The following SCAMP1 variants were observed in gnomAD, a reference collection of about 807,000 sequenced individuals.
SCAMP1 encodes the protein secretory carrier membrane protein 1.
Under a neutral mutation model 41.8 loss-of-function variants are expected in SCAMP1, and 15 were observed. The ratio of observed to expected loss-of-function variants is 0.36; its 90% CI spans 0.24 to 0.55. SCAMP1 has a LOEUF of 0.55. Among genes scored for constraint, SCAMP1 ranks in the 20% least tolerant of loss-of-function variants. The pLI, the probability that SCAMP1 is intolerant of heterozygous loss-of-function variation, is 0.86. For missense variants in SCAMP1, 341 were observed against 412.6 expected (o/e 0.83, Z 1.50); for synonymous variants, 135 against 136.8 (o/e 0.99, Z 0.09).
chr5:78,442,550 C>T (rs973854740), intron 6 of SCAMP1, among the ~76,000 whole-genome samples: 32 of 152,152 alleles, frequency 2.1e-4, no homozygotes, highest in African/African-American at 4.8e-4. Context: ...TGAGCCACCG[C>T]GCCCGGCTGA....
At chr5:78,425,550 T>A (rs1055867528) in intron 6 of SCAMP1, among the ~76,000 whole-genome samples, 4 of 152,232 alleles carry the variant, frequency 2.6e-5, no homozygotes, top group African/African-American at 9.6e-5. Context: ...GTATACAGGT[T>A]ATTTTATATG....
chr5:78,401,422 A>G (rs1242580984), intron 2 of SCAMP1, among the ~76,000 whole-genome samples: 3 of 152,130 alleles, frequency 2.0e-5, no homozygotes. Flanking sequence ...TCTACCTTAA[A>G]TGATTGGTAG....
intron 2 of SCAMP1, among the ~76,000 whole-genome samples, chr5:78,400,768 T>C (rs1477475779): frequency 3.3e-5 from 5 of 152,214 alleles, no homozygotes; most frequent in South Asian, 2.1e-4. Context: ...GAATTTTCCA[T>C]GTTGATGATC....
chr5:78,418,701 A>G, intron 4 of SCAMP1, 74 bp from the exon 5 acceptor site: 1 of 1,007,974 alleles, frequency 9.9e-7, no homozygotes, highest in Non-Finnish European at 1.4e-6. Flanking sequence ...GTTTTTCTTT[A>G]TTATGAAACA....
intron 7 of SCAMP1, among the ~76,000 whole-genome samples, chr5:78,456,936 C>T (rs1190515806): frequency 8.9e-5 from 12 of 134,238 alleles, no homozygotes; most frequent in African/African-American, 1.2e-4. Context: ...TCATTCATTT[C>T]ATCTTCCATT....
intron 1 of SCAMP1, among the ~76,000 whole-genome samples, chr5:78,381,689 G>C (rs1354297069): frequency 3.9e-5 from 6 of 152,176 alleles, no homozygotes; most frequent in Non-Finnish European, 8.8e-5. Flanking sequence ...TGTTGAGCAA[G>C]ACTAAAGCCT....
rs117354933 is a variant in SCAMP1 at position 78,433,788 on chromosome 5, G to A, written c.632+11828G>A. ...GGCATGTTGGGGAGTTAGGGGTGGA[G>A]GATATTCTTGTTCTGGTTCAGCCTC... On this transcript the variant is annotated intron_variant, in intron 6 of 8. Coordinates refer to ENST00000621999, the MANE Select transcript of SCAMP1 (RefSeq NM_004866.6). 3.9e-5 allele frequency among the ~76,000 whole-genome samples: 6 copies of A among 152,156 alleles called. No individual in the cohort carries two copies. The East Asian group carries it at 1.2e-3, about 29-fold the overall frequency.
At chr5:78,411,568 A>T (rs1429624845) in intron 2 of SCAMP1, among the ~76,000 whole-genome samples, 1 of 152,082 alleles carries the variant, frequency 6.6e-6, no homozygotes, top group South Asian at 2.1e-4. Context: ...ACTTTTTTTA[A>T]TCACTTATTT....
chr5:78,458,435 A>C (rs1008339416), intron 7 of SCAMP1, among the ~76,000 whole-genome samples: 6 of 152,034 alleles, frequency 3.9e-5, no homozygotes, highest in African/African-American at 1.5e-4. Context: ...CCTCTTAGTA[A>C]AATGTCTCTG....
intron 7 of SCAMP1, 24 bp from the exon 8 acceptor site, chr5:78,459,221 A>C: frequency 1.8e-6 from 2 of 1,105,114 alleles, no homozygotes; most frequent in African/African-American, 1.5e-5. Flanking sequence ...CTTTTGCCTA[A>C]TTACACTTTT....
intron 6 of SCAMP1, among the ~76,000 whole-genome samples, chr5:78,449,054 T>C (rs541836245): frequency 6.6e-6 from 1 of 151,828 alleles, no homozygotes; most frequent in Middle Eastern, 3.4e-3. Flanking sequence ...TGTAAAACAG[T>C]TTGGCAGTTT....
intron 2 of SCAMP1, among the ~76,000 whole-genome samples, chr5:78,411,690 G>T (rs1281053923): frequency 6.6e-6 from 1 of 151,990 alleles, no homozygotes; most frequent in Non-Finnish European, 1.5e-5. Context: ...TTGGACATTT[G>T]GGGTTTTGCT....
chr5:78,374,290 T>C (rs1312767859), intron 1 of SCAMP1, among the ~76,000 whole-genome samples: 2 of 152,108 alleles, frequency 1.3e-5, no homozygotes, highest in African/African-American at 4.8e-5. Flanking sequence ...ATGCAGAATC[T>C]GAGGCAGAAG....
chr5:78,409,388 T>C lies in SCAMP1; in HGVS notation c.136-6132T>C, dbSNP rs553998252. Among the ~76,000 whole-genome samples, 7 of 149,338 alleles carry C rather than the reference T, an allele frequency of 4.7e-5. No individual in the cohort carries two copies. The South Asian group carries it at 1.1e-3, about 23-fold the overall frequency. Reference sequence around the variant, plus strand: ...TCTTGAGTGGCTTGTTTTATATTTATATATATATAGATAGAGACAGAGACA... The same window carrying C: ...TCTTGAGTGGCTTGTTTTATATTTACATATATATAGATAGAGACAGAGACA... On this transcript the variant is annotated intron_variant, in intron 2 of 8. Transcript: ENST00000621999.
intron 8 of SCAMP1, among the ~76,000 whole-genome samples, chr5:78,471,174 A>G (rs1239048196): frequency 6.6e-6 from 1 of 152,204 alleles, no homozygotes; most frequent in Admixed American, 6.5e-5. Flanking sequence ...AAGAAAAAGT[A>G]CATACATGCT....
chr5:78,424,953 G>A (rs1182266181), intron 6 of SCAMP1, among the ~76,000 whole-genome samples: 1 of 152,210 alleles, frequency 6.6e-6, no homozygotes, highest in African/African-American at 2.4e-5. Context: ...CTGAGCACAT[G>A]CAGTAAAACT....
rs918280254 is a variant in SCAMP1, at chr5:78,460,786, T to G, written c.852+1424T>G. On this transcript the variant is annotated intron_variant, in intron 8 of 8. Transcript: ENST00000621999. ...CTTCCTTCCTTCCTTCCTTCCTTCCTTCCTTCCTTCCTTCCTTCCTCCCTT... is the reference window on the plus strand; with the variant it reads ...CTTCCTTCCTTCCTTCCTTCCTTCCGTCCTTCCTTCCTTCCTTCCTCCCTT... Among the ~76,000 whole-genome samples, 142 of 46,358 alleles carry G rather than the reference T, an allele frequency of 3.1e-3. 1 individual carries two copies. Among genetic ancestry groups the G allele is most frequent in the African/African-American group, 0.016 (112 of 6,980 alleles). The allele number at this position is 46,358 out of a possible 152,430, so 30.4% of individuals were successfully genotyped here.
Position 78,475,485 on chromosome 5 carries a change from CT to C in SCAMP1, c.853-13del. 6.5e-7 allele frequency: 1 copy of C among 1,542,784 alleles called. No homozygotes were observed. Among genetic ancestry groups the C allele is most frequent in the Non-Finnish European group, 8.7e-7 (1 of 1,146,636 alleles). Reference sequence around the variant, plus strand: ...GTAGGTTGCTACTTACCTTCTCCCACTTTTTTGTGCCTCTGTAGGTACATGG... The same window carrying C: ...GTAGGTTGCTACTTACCTTCTCCCACTTTTTGTGCCTCTGTAGGTACATGG... On this transcript the variant is annotated intron_variant, in intron 8 of 8. Coordinates refer to ENST00000621999, the MANE Select transcript of SCAMP1 (RefSeq NM_004866.6).
rs112782561 is a variant in SCAMP1, at chr5:78,462,520, C to T, written c.852+3158C>T. Among the ~76,000 whole-genome samples, 285 of 152,070 alleles carry T rather than the reference C, an allele frequency of 1.9e-3. 1 individual carries two copies. Among genetic ancestry groups the T allele is most frequent in the African/African-American group, 6.1e-3 (251 of 41,482 alleles). On this transcript the variant is annotated intron_variant, in intron 8 of 8. Transcript: ENST00000621999. ...TTTGTATTTTTAGTAGAGATGATTT[C>T]GCCATGTTGGCCAGTCTGGTCTGTA...
Sources: gnomAD v4.1 joint callset for allele counts (sites outside exome capture counted in the v4.1 genomes callset) on GRCh38, gnomAD v4.1.1 for gene constraint, MANE v1.5 for transcripts, NCBI Gene and HGNC (gene_info 2026-07-23, HGNC 2026-07-21) for gene names.